MDFIC2: variants seen among roughly 807,000 people sequenced by gnomAD.
The protein encoded by MDFIC2 is MyoD family inhibitor domain containing 2, also known as myoD family inhibitor domain-containing protein 2.
intron 2 of MDFIC2, among the ~76,000 whole-genome samples, chr3:70,248,951 T>G (rs139189831): frequency 1.3e-5 from 2 of 152,276 alleles, no homozygotes; most frequent in African/African-American, 4.8e-5. Context: ...ATTGACAACT[T>G]CACTGTCATT....
At chr3:70,290,801 C>T (rs374774201) in intron 2 of MDFIC2, among the ~76,000 whole-genome samples, 3 of 152,082 alleles carry the variant, frequency 2.0e-5, no homozygotes, top group Non-Finnish European at 4.4e-5. Flanking sequence ...GCGCAGTATT[C>T]GGGTGGGAGT....
At chr3:70,308,180 A>T (rs1377549526) in intron 2 of MDFIC2, among the ~76,000 whole-genome samples, 1 of 152,090 alleles carries the variant, frequency 6.6e-6, no homozygotes, top group Non-Finnish European at 1.5e-5. Flanking sequence ...TCTGTCTAGT[A>T]GTTGGGACTA....
At chr3:70,261,948 C>T (rs577276564) in intron 2 of MDFIC2, among the ~76,000 whole-genome samples, 5 of 152,282 alleles carry the variant, frequency 3.3e-5, no homozygotes, top group East Asian at 3.9e-4. Context: ...AGCCCTTGAA[C>T]TCTGCCCTGC....
chr3:70,216,045 T>G (rs1701408608), intron 2 of MDFIC2, among the ~76,000 whole-genome samples: 1 of 152,048 alleles, frequency 6.6e-6, no homozygotes, highest in Admixed American at 6.6e-5. Context: ...ACAAATAAAT[T>G]AAAATCTATA....
intron 2 of MDFIC2, among the ~76,000 whole-genome samples, chr3:70,230,327 G>A (rs990405291): frequency 2.6e-4 from 39 of 152,078 alleles, no homozygotes; most frequent in Non-Finnish European, 7.4e-5. Flanking sequence ...TCACTGCAAC[G>A]AAATTTCACT....
intron 2 of MDFIC2, among the ~76,000 whole-genome samples, chr3:70,228,528 CTTTG>C (rs1044247537): frequency 2.0e-5 from 3 of 150,862 alleles, no homozygotes; most frequent in African/African-American, 7.3e-5. Context: ...TTTCTAAGTT[CTTTG>C]TTTGTTTGTT....
intron 2 of MDFIC2, among the ~76,000 whole-genome samples, chr3:70,231,941 T>A (rs1256488027): frequency 6.6e-6 from 1 of 152,158 alleles, no homozygotes; most frequent in Non-Finnish European, 1.5e-5. Context: ...ATAACAGTCG[T>A]GTATTCTTGA....
chr3:70,267,675 C>T (rs1415726710), intron 2 of MDFIC2, among the ~76,000 whole-genome samples: 1 of 151,488 alleles, frequency 6.6e-6, no homozygotes, highest in Non-Finnish European at 1.5e-5. Context: ...CTCGGCCTCC[C>T]AGAGTGCTGG....
At chr3:70,308,758 A>C (rs1009235841) in intron 2 of MDFIC2, among the ~76,000 whole-genome samples, 1 of 152,128 alleles carries the variant, frequency 6.6e-6, no homozygotes, top group Non-Finnish European at 1.5e-5. Flanking sequence ...AAATGATATG[A>C]ATGTTTGAAG....
At chr3:70,209,843 T>C (rs959997720) in intron 2 of MDFIC2, among the ~76,000 whole-genome samples, 1 of 152,102 alleles carries the variant, frequency 6.6e-6, no homozygotes, top group African/African-American at 2.4e-5. Flanking sequence ...CGCCTTTCCC[T>C]TAGCAGTCTT....
chr3:70,199,940 C>G (rs1243020347), intron 3 of MDFIC2, among the ~76,000 whole-genome samples: 1 of 152,202 alleles, frequency 6.6e-6, no homozygotes, highest in South Asian at 2.1e-4. Flanking sequence ...TTTTGGATCT[C>G]TCTCTCCCCA....
intron 3 of MDFIC2, 45 bp from the exon 4 acceptor site, chr3:70,197,230 G>A (rs559125084): frequency 1.8e-5 from 7 of 398,100 alleles, no homozygotes; most frequent in Non-Finnish European, 2.7e-5. Context: ...ATCTGGGGGC[G>A]TCTATGAAGG....
intron 2 of MDFIC2, among the ~76,000 whole-genome samples, chr3:70,225,922 G>T (rs1326132622): frequency 6.6e-6 from 1 of 152,052 alleles, no homozygotes; most frequent in Admixed American, 6.6e-5. Context: ...TTGTTCCCTC[G>T]CCATCTACCA....
intron 2 of MDFIC2, among the ~76,000 whole-genome samples, chr3:70,217,154 C>T (rs1307451951): frequency 6.6e-6 from 1 of 152,056 alleles, no homozygotes. Context: ...TGTCAATTAA[C>T]TGCTATATCC....
intron 2 of MDFIC2, among the ~76,000 whole-genome samples, chr3:70,303,048 A>G (rs1702365837): frequency 6.6e-6 from 1 of 152,196 alleles, no homozygotes; most frequent in Non-Finnish European, 1.5e-5. Context: ...TTGACATTTG[A>G]ACTTCAGTAG....
At chr3:70,290,734 C>T (rs6766653) in intron 2 of MDFIC2, among the ~76,000 whole-genome samples, 32,164 of 152,040 alleles carry the variant, frequency 0.21, 3,608 homozygotes, top group South Asian at 0.28. Flanking sequence ...TAGGACCCTC[C>T]GAGCCAGGTG....
intron 2 of MDFIC2, among the ~76,000 whole-genome samples, chr3:70,290,344 T>TG (rs1302496010): frequency 1.3e-5 from 2 of 152,136 alleles, no homozygotes; most frequent in Admixed American, 6.5e-5. Flanking sequence ...GTGCCCCTGT[T>TG]GGGGGGTGCC....
intron 2 of MDFIC2, among the ~76,000 whole-genome samples, chr3:70,207,619 A>C (rs2106725411): frequency 6.6e-6 from 1 of 151,820 alleles, no homozygotes; most frequent in Admixed American, 6.6e-5. Context: ...CAGATTGAAA[A>C]TATTCAGAAA....
At chr3:70,239,201 T>G (rs927782733) in intron 2 of MDFIC2, among the ~76,000 whole-genome samples, 2 of 152,198 alleles carry the variant, frequency 1.3e-5, no homozygotes, top group African/African-American at 4.8e-5. Context: ...GAGTACGTAC[T>G]CAGTTCAACT....
Sources: gnomAD v4.1 joint callset for allele counts (sites outside exome capture counted in the v4.1 genomes callset) on GRCh38, gnomAD v4.1.1 for gene constraint, MANE v1.5 for transcripts, NCBI Gene and HGNC (gene_info 2026-07-23, HGNC 2026-07-21) for gene names.